JMJD1C: variants seen among roughly 807,000 people sequenced by gnomAD.
The protein encoded by JMJD1C is jumonji domain containing 1C, also known as jumonji domain-containing protein 1C.
In JMJD1C, 31 loss-of-function variants were observed where a neutral mutation model predicts 245.3. The ratio of observed to expected loss-of-function variants is 0.13; its 90% CI spans 0.09 to 0.17. The LOEUF (loss-of-function observed/expected upper bound fraction) is 0.17. Ranked by LOEUF, JMJD1C falls within the 10% of genes least tolerant of loss-of-function variation. The pLI is 1.00. For synonymous variants in JMJD1C, 1,057 were observed against 1,017.4 expected (o/e 1.04, Z -0.74); for missense variants, 2,691 against 3,000.2 (o/e 0.90, Z 2.41).
At chr10:63,386,594 G>C (rs1947611735) in intron 1 of JMJD1C, among the ~76,000 whole-genome samples, 1 of 152,084 alleles carries the variant, frequency 6.6e-6, no homozygotes, top group Non-Finnish European at 1.5e-5. Context: ...TTTTTCCAGG[G>C]GCCAGGGTCC....
Position 63,214,935 on chromosome 10 carries a change from C to G in JMJD1C, c.1232G>C (p.Gly411Ala). Reference sequence around the variant, plus strand: ...ATTATTATGGGGTTTTCCTTCTTCTCCATTTATTTTTGAAGTATTTTTATT... The same window carrying G: ...ATTATTATGGGGTTTTCCTTCTTCTGCATTTATTTTTGAAGTATTTTTATT... ...LKNKNTSKIN[G>A]EEGKPHNNEK... The change falls in exon 8 of 26, where the codon GGA (glycine) becomes GCA (alanine). Residue 411 changes from glycine (G) to alanine (A), a missense_variant. Around this residue, in one of 9 missense-constraint regions of JMJD1C, gnomAD observed 1,562 missense variants for 1,490.7 expected, o/e 1.05. Transcript: ENST00000399262. 6.2e-7 allele frequency: 1 copy of G among 1,604,812 alleles called. No homozygotes were observed. The highest frequency in any genetic ancestry group is 8.5e-7 in the Non-Finnish European group (1 of 1,175,798).
At position 63,388,347 on chromosome 10, in the gene JMJD1C, A is replaced by AG. The variant is rs541903320; in HGVS notation, c.169-7866dup. ...GATAATAGGTTCAAAAAGCTGAAGG[A>AG]GAAAAAAAAAAAAGCCGAATATACT... On this transcript the variant is annotated intron_variant, in intron 1 of 25. Coordinates refer to ENST00000399262, the MANE Select transcript of JMJD1C (RefSeq NM_032776.3). 4.0e-5 allele frequency among the ~76,000 whole-genome samples: 6 copies of AG among 149,408 alleles called. No homozygotes were observed. The South Asian group carries it at 1.3e-3, about 32-fold the overall frequency.
chr10:63,190,693 C>T (rs919434935), intron 17 of JMJD1C, among the ~76,000 whole-genome samples: 1 of 152,228 alleles, frequency 6.6e-6, no homozygotes, highest in Middle Eastern at 3.4e-3. Context: ...GAGCACCCCC[C>T]CTCCACCTTT....
At chr10:63,178,099 C>T (rs1313379208) in intron 22 of JMJD1C, among the ~76,000 whole-genome samples, 1 of 152,138 alleles carries the variant, frequency 6.6e-6, no homozygotes, top group Non-Finnish European at 1.5e-5. Flanking sequence ...AGCTGTCACA[C>T]CCGACTAATT....
chr10:63,188,987 A>C (rs2132951127), intron 18 of JMJD1C, among the ~76,000 whole-genome samples, 181 bp downstream of exon 18: 1 of 152,346 alleles, frequency 6.6e-6, no homozygotes, highest in East Asian at 1.9e-4. Context: ...ATCTGGCCAA[A>C]AAACAGGAAT....
intron 1 of JMJD1C, among the ~76,000 whole-genome samples, chr10:63,512,187 T>C (rs1385895067): frequency 6.6e-6 from 1 of 152,194 alleles, no homozygotes. Context: ...GTCACTATTA[T>C]TATTTTAACA....
intron 3 of JMJD1C, among the ~76,000 whole-genome samples, chr10:63,230,039 G>C (rs576962432): frequency 6.6e-6 from 1 of 152,102 alleles, no homozygotes; most frequent in African/African-American, 2.4e-5. Flanking sequence ...GCATGTCCAC[G>C]GGCAAATCAT....
chr10:63,241,939 A>C (rs1044526328), intron 3 of JMJD1C, among the ~76,000 whole-genome samples: 1 of 152,242 alleles, frequency 6.6e-6, no homozygotes, highest in South Asian at 2.1e-4. Flanking sequence ...GACAAGAGGA[A>C]AGCAGGTAAG....
At chr10:63,213,419 C>T (rs911761379) in intron 8 of JMJD1C, 54 bp downstream of exon 8, 2 of 978,098 alleles carry the variant, frequency 2.0e-6, no homozygotes, top group African/African-American at 3.3e-5. Flanking sequence ...GAAAAAGCAC[C>T]TGTACATGTT....
rs564865703 is a variant in JMJD1C, at chr10:63,366,050, T to C, written c.333+14268A>G. 2.6e-5 allele frequency among the ~76,000 whole-genome samples: 4 copies of C among 152,326 alleles called. No individual in the cohort carries two copies. In the East Asian group the frequency reaches 7.7e-4, roughly 29 times the overall value. ...AAAATGCTACCAAAGGAACATATCA[T>C]TATAATGAGCACATAGACCCTACTA... On this transcript the variant is annotated intron_variant, in intron 2 of 25. Coordinates refer to ENST00000399262, the MANE Select transcript of JMJD1C (RefSeq NM_032776.3).
intron 2 of JMJD1C, among the ~76,000 whole-genome samples, chr10:63,305,386 A>C (rs1307654350): frequency 2.6e-4 from 37 of 144,328 alleles, no homozygotes; most frequent in Middle Eastern, 3.6e-3. Flanking sequence ...ACAAAAAACA[A>C]AAAAGGTTGC....
intron 1 of JMJD1C, among the ~76,000 whole-genome samples, chr10:63,460,292 G>A (rs1474884699): frequency 6.6e-6 from 1 of 152,192 alleles, no homozygotes; most frequent in African/African-American, 2.4e-5. Context: ...CAAGGTGGGA[G>A]GCTCACTTGA....
chr10:63,378,459 G>A (rs899445748), intron 2 of JMJD1C, among the ~76,000 whole-genome samples: 2 of 152,032 alleles, frequency 1.3e-5, no homozygotes, highest in Non-Finnish European at 1.5e-5. Context: ...GGGCGTGGTG[G>A]CAGGCGCCTG....
rs35442695 is a variant in JMJD1C at position 63,277,731 on chromosome 10, C to CTTTTTTTTTTTTTTTT, written c.334-12983_334-12968dup. 4.4e-3 allele frequency among the ~76,000 whole-genome samples: 280 copies of CTTTTTTTTTTTTTTTT among 64,274 alleles called. 46 individuals are homozygous for CTTTTTTTTTTTTTTTT. The highest frequency in any genetic ancestry group is 5.2e-3 in the Non-Finnish European group (200 of 38,440). The allele number at this position is 64,274 out of a possible 152,430, so 42.2% of individuals were successfully genotyped here. On this transcript the variant is annotated intron_variant, in intron 2 of 25. Transcript: ENST00000399262. Reference sequence around the variant, plus strand: ...TATTCATTGAGAGTAATTTGCATTTCTTTTTTTTTTTTTTTTTTTTTTTTG... The same window carrying CTTTTTTTTTTTTTTTT: ...TATTCATTGAGAGTAATTTGCATTTCTTTTTTTTTTTTTTTTTTTTTTTTTTTTTTTTTTTTTTTTG...
chr10:63,402,456 C>T (rs1948925898), intron 1 of JMJD1C, among the ~76,000 whole-genome samples: 1 of 152,178 alleles, frequency 6.6e-6, no homozygotes, highest in South Asian at 2.1e-4. Flanking sequence ...ATATGTAACA[C>T]TCATCTGAAC....
At chr10:63,350,331 T>C (rs578172269) in intron 2 of JMJD1C, among the ~76,000 whole-genome samples, 1 of 152,334 alleles carries the variant, frequency 6.6e-6, no homozygotes. Flanking sequence ...GATTGATCTA[T>C]TGTCATGATA....
chr10:63,286,016 C>T (rs567157504), intron 2 of JMJD1C, among the ~76,000 whole-genome samples: 1 of 75,430 alleles, frequency 1.3e-5, no homozygotes, highest in Non-Finnish European at 2.6e-5. Context: ...TATTCCTGTG[C>T]TCCAAACCAG....
At chr10:63,488,271 G>A (rs1422950549) in intron 1 of JMJD1C, among the ~76,000 whole-genome samples, 2 of 152,186 alleles carry the variant, frequency 1.3e-5, no homozygotes, top group Non-Finnish European at 2.9e-5. Context: ...TTCAAACAAA[G>A]TGGTGATCCA....
At chr10:63,484,551 T>G (rs1479897246) in intron 1 of JMJD1C, among the ~76,000 whole-genome samples, 1 of 152,016 alleles carries the variant, frequency 6.6e-6, no homozygotes, top group African/African-American at 2.4e-5. Flanking sequence ...TAGCTGAACT[T>G]GAGATTTTGT....
Sources: allele counts gnomAD v4.1 joint callset (sites outside exome capture counted in the v4.1 genomes callset), GRCh38; gene constraint gnomAD v4.1.1; regional missense constraint gnomAD v4.1.1; transcripts MANE v1.5; gene names NCBI Gene and HGNC (gene_info 2026-07-23, HGNC 2026-07-21).